The following ERP27 variants were observed in gnomAD, a reference collection of about 807,000 sequenced individuals.
ERP27 encodes endoplasmic reticulum resident protein 27.
In ERP27, 23 loss-of-function variants were observed where a neutral mutation model predicts 27.7. The ratio of observed to expected loss-of-function variants is 0.83; its 90% CI spans 0.60 to 1.18. ERP27 has a LOEUF of 1.18. Among genes scored for constraint, ERP27 ranks in the 50% most tolerant of loss-of-function variants. The pLI, the probability that ERP27 is intolerant of heterozygous loss-of-function variation, is 0.00. For missense variants in ERP27, 363 were observed against 327.9 expected (o/e 1.11, Z -0.83); for synonymous variants, 159 against 118.3 (o/e 1.34, Z -2.23).
chr12:14,928,714 T>G (rs1006755099), intron 3 of ERP27, among the ~76,000 whole-genome samples: 1 of 152,236 alleles, frequency 6.6e-6, no homozygotes, highest in African/African-American at 2.4e-5. Context: ...ATGAACTCCT[T>G]GTGTATATTT....
chr12:14,934,108 T>G (rs781740908), intron 3 of ERP27, among the ~76,000 whole-genome samples: 1 of 152,252 alleles, frequency 6.6e-6, no homozygotes, highest in Non-Finnish European at 1.5e-5. Flanking sequence ...TTCTTTCTCT[T>G]ATATTCATTT....
intron 3 of ERP27, among the ~76,000 whole-genome samples, chr12:14,934,027 A>G (rs1226417986): frequency 3.3e-5 from 5 of 152,350 alleles, no homozygotes; most frequent in Non-Finnish European, 5.9e-5. Context: ...CTTTCCAGTA[A>G]CAGCCAAATT....
intron 3 of ERP27, among the ~76,000 whole-genome samples, chr12:14,926,098 A>G (rs991157968): frequency 2.2e-4 from 34 of 152,058 alleles, no homozygotes; most frequent in African/African-American, 7.9e-4. Context: ...AAATTTTTCT[A>G]TTATGTTGTG....
intron 2 of ERP27, among the ~76,000 whole-genome samples, chr12:14,937,013 T>A (rs1300487510): frequency 2.0e-5 from 3 of 152,194 alleles, no homozygotes; most frequent in Non-Finnish European, 2.9e-5. Context: ...CTCCTTCAGA[T>A]GGAATTGCTG....
At chr12:14,937,801 C>T (rs1863793633) in intron 2 of ERP27, 151 bp downstream of exon 2, 1 of 617,350 alleles carries the variant, frequency 1.6e-6, no homozygotes, top group Non-Finnish European at 2.9e-6. Flanking sequence ...AATAAGAGGT[C>T]CCAATGGACA....
At chr12:14,929,700 T>G (rs569980094) in intron 3 of ERP27, among the ~76,000 whole-genome samples, 3 of 152,336 alleles carry the variant, frequency 2.0e-5, no homozygotes, top group African/African-American at 7.2e-5. Flanking sequence ...TTTTTGTTGT[T>G]GTAGACACTA....
intron 2 of ERP27, among the ~76,000 whole-genome samples, chr12:14,937,157 G>A (rs1287455546): frequency 6.6e-6 from 1 of 152,072 alleles, no homozygotes; most frequent in Non-Finnish European, 1.5e-5. Context: ...GAAAAATGTT[G>A]TCCCTGTCTT....
In ERP27 at chr12:14,917,296, A is replaced by G. The variant is rs748639214; in HGVS notation, c.458T>C (p.Ile153Thr). 3.1e-6 allele frequency: 5 copies of G among 1,614,052 alleles called. No homozygotes were observed. In the South Asian group the frequency reaches 5.5e-5, roughly 18 times the overall value. Residue 153 changes from isoleucine (I) to threonine (T), a missense_variant, in exon 5 of 7, where the codon ATT becomes ACT. Physicochemically the swap from Ile to Thr is moderately conservative, Grantham distance 89. Transcript: ENST00000266397. Reference protein sequence around the residue: ...MVTEYNPVTVIGLFNSVIQIH... With the variant: ...MVTEYNPVTVTGLFNSVIQIH... ...CTGAATTACGCTGTTGAATAACCCA[A>G]TCACAGTCTGGCAAGTCGAAATGTG...
Position 14,917,241 on chromosome 12 carries a change from G to C in ERP27, c.513C>G (p.Ala171=). Reference sequence around the variant, plus strand: ...GCATGTTCTCTTCATACTCTGGGGAGGCCTTGTTCATTATCAGGAGGAGAT... The same window carrying C: ...GCATGTTCTCTTCATACTCTGGGGACGCCTTGTTCATTATCAGGAGGAGAT... ...QIHLLLIMNK[A]SPEYEENMHR... is the part of the protein sequence containing the mutation. Residue 171 remains alanine (A), a synonymous_variant, in exon 5 of 7, where the codon GCC becomes GCG. Transcript: ENST00000266397. 1.2e-6 allele frequency: 2 copies of C among 1,614,124 alleles called. No homozygotes were observed. Among genetic ancestry groups the C allele is most frequent in the Non-Finnish European group, 1.7e-6 (2 of 1,180,006 alleles).
intron 3 of ERP27, among the ~76,000 whole-genome samples, chr12:14,931,265 A>G (rs1863692606): frequency 6.6e-6 from 1 of 152,136 alleles, no homozygotes; most frequent in Non-Finnish European, 1.5e-5. Context: ...AGGCTCTGAA[A>G]ACAAACAAGC....
chr12:14,931,312 G>C (rs1339548721), intron 3 of ERP27, among the ~76,000 whole-genome samples: 1 of 144,620 alleles, frequency 6.9e-6, no homozygotes, highest in Non-Finnish European at 1.5e-5. Context: ...TTTTCAATAG[G>C]TTCACGTTTC....
chr12:14,923,492 A>AATCTATCTATCT lies in ERP27; in HGVS notation c.334-2456_334-2445dup, dbSNP rs61662382. 7.7e-3 allele frequency among the ~76,000 whole-genome samples: 1,090 copies of AATCTATCTATCT among 141,220 alleles called. 9 individuals are homozygous for AATCTATCTATCT. Among genetic ancestry groups the AATCTATCTATCT allele is most frequent in the Non-Finnish European group, 9.9e-3 (643 of 64,904 alleles). The allele number at this position is 141,220 out of a possible 152,430, so 92.6% of individuals were successfully genotyped here. A position where few individuals can be genotyped will look rare whatever the true frequency, so the allele number is the denominator to read the frequency against. On this transcript the variant is annotated intron_variant, in intron 3 of 6. Transcript: ENST00000266397. Reference sequence around the variant, plus strand: ...ATATAATATCTATCTATCTATAATCAATCTATCTATCTATCTATCTATCTA... The same window carrying AATCTATCTATCT: ...ATATAATATCTATCTATCTATAATCAATCTATCTATCTATCTATCTATCTATCTATCTATCTA...
chr12:14,924,948 T>G (rs1288354350), intron 3 of ERP27, among the ~76,000 whole-genome samples: 1 of 152,176 alleles, frequency 6.6e-6, no homozygotes, highest in South Asian at 2.1e-4. Flanking sequence ...ACCAGCCCCA[T>G]GACAGTTTAC....
At chr12:14,917,945 A>G (rs1390832238) in intron 4 of ERP27, among the ~76,000 whole-genome samples, 1 of 152,244 alleles carries the variant, frequency 6.6e-6, no homozygotes, top group Admixed American at 6.5e-5. Context: ...GCAATAGACA[A>G]CTAATACACT....
At chr12:14,937,166 T>C (rs537623735) in intron 2 of ERP27, among the ~76,000 whole-genome samples, 10 of 152,350 alleles carry the variant, frequency 6.6e-5, no homozygotes, top group African/African-American at 2.2e-4. Flanking sequence ...TGTCCCTGTC[T>C]TTCTCCCTGA....
intron 3 of ERP27, among the ~76,000 whole-genome samples, chr12:14,934,245 C>CTT (rs1038074102): frequency 2.0e-5 from 3 of 151,920 alleles, no homozygotes; most frequent in Admixed American, 2.0e-4. Context: ...ATTCTGTTGT[C>CTT]TTTTTCTTTT....
chr12:14,921,053 A>G lies in ERP27; in HGVS notation c.334-5T>C. The G allele has an allele frequency of 6.2e-7, 1 of 1,608,068 alleles. No individual in the cohort carries two copies. The highest frequency in any genetic ancestry group is 1.1e-5 in the South Asian group (1 of 90,946). On this transcript the variant is annotated splice_polypyrimidine_tract_variant and splice_region_variant and intron_variant, in intron 3 of 6. Transcript: ENST00000266397. Reference sequence around the variant, plus strand: ...ATTCAGTTGTTCATTGTCTACCTGGATAACACAAAAAAGAATGAAGTCACT... The same window carrying G: ...ATTCAGTTGTTCATTGTCTACCTGGGTAACACAAAAAAGAATGAAGTCACT...
At chr12:14,926,102 T>A (rs952074352) in intron 3 of ERP27, among the ~76,000 whole-genome samples, 6 of 152,172 alleles carry the variant, frequency 3.9e-5, no homozygotes, top group African/African-American at 1.4e-4. Context: ...TTTTCTATTA[T>A]GTTGTGGCTT....
At chr12:14,936,039 G>A (rs1174638790) in intron 2 of ERP27, among the ~76,000 whole-genome samples, 1 of 152,066 alleles carries the variant, frequency 6.6e-6, no homozygotes, top group East Asian at 1.9e-4. Context: ...ACTTTAGGAT[G>A]CTAGTCCGCT....
Sources: allele counts gnomAD v4.1 joint callset (sites outside exome capture counted in the v4.1 genomes callset), GRCh38; gene constraint gnomAD v4.1.1; transcripts MANE v1.5; gene names NCBI Gene and HGNC (gene_info 2026-07-23, HGNC 2026-07-21).